The following ZNF385D variants were observed in gnomAD, a reference collection of about 807,000 sequenced individuals.
ZNF385D encodes zinc finger protein 385D.
A neutral mutation model predicts 35.8 loss-of-function variants in ZNF385D; 15 were observed. That is an observed-to-expected ratio of 0.42 (90% CI 0.28 to 0.64). The LOEUF is 0.64. Ranked by LOEUF, ZNF385D falls within the 30% of genes least tolerant of loss-of-function variation. The pLI, the probability that ZNF385D is intolerant of heterozygous loss-of-function variation, is 0.23. For missense variants in ZNF385D, 474 were observed against 494.6 expected (o/e 0.96, Z 0.39); for synonymous variants, 212 against 186.8 (o/e 1.13, Z -1.10).
intron 3 of ZNF385D, among the ~76,000 whole-genome samples, chr3:22,047,585 T>G (rs1020177606): frequency 6.6e-6 from 1 of 152,168 alleles, no homozygotes; most frequent in Non-Finnish European, 1.5e-5. Flanking sequence ...ATTTCCTTCC[T>G]GTTTAATGCT....
chr3:22,016,271 C>A (rs1303273410), intron 3 of ZNF385D, among the ~76,000 whole-genome samples: 2 of 151,964 alleles, frequency 1.3e-5, no homozygotes, highest in Middle Eastern at 3.2e-3. Context: ...GGTAGGTATG[C>A]GTCCAAACTT....
At chr3:22,178,751 T>C (rs1476008411) in intron 2 of ZNF385D, among the ~76,000 whole-genome samples, 1 of 152,238 alleles carries the variant, frequency 6.6e-6, no homozygotes, top group Non-Finnish European at 1.5e-5. Flanking sequence ...TATCTTGAAT[T>C]AATTTTTGTA....
chr3:21,804,397 C>T (rs2072541708), intron 3 of ZNF385D, among the ~76,000 whole-genome samples: 1 of 152,032 alleles, frequency 6.6e-6, no homozygotes, highest in African/African-American at 2.4e-5. Flanking sequence ...TGGACAGTAA[C>T]GTTTTCAAGA....
At chr3:22,035,123 CTAG>C (rs1432108724) in intron 3 of ZNF385D, among the ~76,000 whole-genome samples, 1 of 152,024 alleles carries the variant, frequency 6.6e-6, no homozygotes, top group Admixed American at 6.6e-5. Context: ...TATCAATGAA[CTAG>C]AAAGTGAACA....
At chr3:21,950,863 T>G (rs1702030486) in intron 3 of ZNF385D, among the ~76,000 whole-genome samples, 1 of 151,730 alleles carries the variant, frequency 6.6e-6, no homozygotes. Flanking sequence ...TGTAGATTTG[T>G]GGCATTATTT....
At chr3:22,208,443 A>G (rs1697297956) in intron 2 of ZNF385D, among the ~76,000 whole-genome samples, 1 of 144,106 alleles carries the variant, frequency 6.9e-6, no homozygotes, top group African/African-American at 2.5e-5. Flanking sequence ...GAGGCTGGCA[A>G]GTGTGGGGTG....
intron 2 of ZNF385D, among the ~76,000 whole-genome samples, chr3:22,213,738 C>T (rs998347872): frequency 6.6e-6 from 1 of 151,980 alleles, no homozygotes; most frequent in Non-Finnish European, 1.5e-5. Context: ...AATTCTGTTC[C>T]TCAGTAAGAC....
At position 21,413,291 on chromosome 3, in the gene ZNF385D, A is replaced by G. The variant is rs2125226983; in HGVS notation, c.*7923T>C. 6.6e-6 allele frequency: 1 copy of G among 152,204 alleles called. No individual in the cohort carries two copies. The highest frequency in any genetic ancestry group is 2.4e-5 in the African/African-American group (1 of 41,542). The allele number at this position is 152,204 out of a possible 1,614,324, so 9.4% of individuals were successfully genotyped here. A position where few individuals can be genotyped will look rare whatever the true frequency, so the allele number is the denominator to read the frequency against. ...ACACATGGGCCATTAAGGTGGCACA[A>G]ATTAGCATTCTGAGCGTTTTGGCTT... On this transcript the variant is annotated 3_prime_UTR_variant, in exon 8 of 8. Coordinates refer to ENST00000281523, the MANE Select transcript of ZNF385D (RefSeq NM_024697.3).
chr3:21,886,116 G>A (rs1323901055), intron 3 of ZNF385D, among the ~76,000 whole-genome samples: 1 of 152,090 alleles, frequency 6.6e-6, no homozygotes, highest in Admixed American at 6.6e-5. Context: ...ATAGATACAT[G>A]GATAATTTTT....
chr3:21,697,933 A>G (rs904608251), intron 1 of ZNF385D, among the ~76,000 whole-genome samples: 1 of 152,220 alleles, frequency 6.6e-6, no homozygotes, highest in African/African-American at 2.4e-5. Context: ...GCTATTATTA[A>G]AAAGCAAAAA....
Position 21,417,408 on chromosome 3 carries a change from C to A in ZNF385D, c.*3806G>T, listed in dbSNP as rs1292746101. 6.6e-6 allele frequency: 1 copy of A among 152,044 alleles called. No homozygotes were observed. Among genetic ancestry groups the A allele is most frequent in the African/African-American group, 2.4e-5 (1 of 41,428 alleles). The allele number at this position is 152,044 out of a possible 1,614,324, so 9.4% of individuals were successfully genotyped here. A position where few individuals can be genotyped will look rare whatever the true frequency, so the allele number is the denominator to read the frequency against. Reference sequence around the variant, plus strand: ...TTGCTTTTCCCACCACTTCATGCGGCTTTTGGGTGAACAAAGTTATTAATA... The same window carrying A: ...TTGCTTTTCCCACCACTTCATGCGGATTTTGGGTGAACAAAGTTATTAATA... On this transcript the variant is annotated 3_prime_UTR_variant, in exon 8 of 8. Coordinates refer to ENST00000281523, the MANE Select transcript of ZNF385D (RefSeq NM_024697.3).
At chr3:21,804,121 T>C (rs1575678616) in intron 3 of ZNF385D, among the ~76,000 whole-genome samples, 2 of 152,342 alleles carry the variant, frequency 1.3e-5, no homozygotes, top group African/African-American at 2.4e-5. Flanking sequence ...AATAAAAGTG[T>C]GTAAATTTCT....
At chr3:22,123,719 G>C (rs1424966560) in intron 3 of ZNF385D, among the ~76,000 whole-genome samples, 1 of 152,018 alleles carries the variant, frequency 6.6e-6, no homozygotes, top group Non-Finnish European at 1.5e-5. Context: ...AAATTAGCTG[G>C]GTGTGGTGGT....
intron 3 of ZNF385D, among the ~76,000 whole-genome samples, chr3:21,763,091 C>T (rs984801281): frequency 6.6e-6 from 1 of 152,010 alleles, no homozygotes; most frequent in Non-Finnish European, 1.5e-5. Flanking sequence ...TTCCCAAAGA[C>T]AAGAATATGG....
At chr3:21,841,503 G>A (rs1462442954) in intron 3 of ZNF385D, among the ~76,000 whole-genome samples, 2 of 151,962 alleles carry the variant, frequency 1.3e-5, no homozygotes, top group Non-Finnish European at 2.9e-5. Context: ...CAAGTCGTAA[G>A]TTTTGCTAAT....
At chr3:21,722,774 C>G (rs776584472) in intron 1 of ZNF385D, among the ~76,000 whole-genome samples, 10 of 152,218 alleles carry the variant, frequency 6.6e-5, no homozygotes, top group Non-Finnish European at 1.5e-4. Context: ...TGGCACCAAA[C>G]AAAGGTCCTA....
exon 3 of ZNF385D, chr3:22,168,926 T>A (rs1320115153): frequency 1.8e-5 from 18 of 985,890 alleles, no homozygotes; most frequent in Non-Finnish European, 2.0e-5. Context: ...GAATGTTACA[T>A]ACATTGCACA....
At chr3:21,727,407 T>G (rs1040383213) in intron 1 of ZNF385D, among the ~76,000 whole-genome samples, 1 of 152,084 alleles carries the variant, frequency 6.6e-6, no homozygotes, top group African/African-American at 2.4e-5. Context: ...TGGGAGAAAA[T>G]TTTTGTAATC....
chr3:21,644,281 A>G (rs184038581), intron 2 of ZNF385D, among the ~76,000 whole-genome samples: 33 of 152,298 alleles, frequency 2.2e-4, no homozygotes, highest in African/African-American at 7.9e-4. Context: ...AAGATTAATG[A>G]AAGCAAGATA....
Sources: allele counts gnomAD v4.1 joint callset (sites outside exome capture counted in the v4.1 genomes callset), GRCh38; gene constraint gnomAD v4.1.1; transcripts MANE v1.5; gene names NCBI Gene and HGNC (gene_info 2026-07-23, HGNC 2026-07-21).